ZNF862: variants seen among roughly 807,000 people sequenced by gnomAD.
The protein encoded by ZNF862 is zinc finger protein 862.
Under a neutral mutation model 91.1 loss-of-function variants are expected in ZNF862, and 64 were observed. That is an observed-to-expected ratio of 0.70 (90% CI 0.57 to 0.87). The LOEUF is 0.87. Among genes scored for constraint, ZNF862 ranks in the 40% least tolerant of loss-of-function variants. The probability of loss-of-function intolerance (pLI) is 0.00; values close to 1 mark genes in which losing one functional copy is unlikely to be tolerated. For missense variants in ZNF862, 1,459 were observed against 1,528.0 expected, an observed-to-expected ratio of 0.95 and a Z score of 0.75; for synonymous variants, 631 against 618.1, an observed-to-expected ratio of 1.02 and a Z score of -0.31.
At chr7:149,848,535 C>T in intron 4 of ZNF862, 103 bp downstream of exon 4, 1 of 934,274 alleles carries the variant, frequency 1.1e-6, no homozygotes. Context: ...TAGTGATAAC[C>T]CACTGCTAAC....
At chr7:149,858,971 C>T (rs1346764706) in intron 5 of ZNF862, 21 of 122,730 alleles carry the variant, frequency 1.7e-4, no homozygotes, top group South Asian at 1.7e-3. Context: ...GAGGGGCACA[C>T]GCGTGGGCCA....
In ZNF862 at chr7:149,850,336, T is replaced by C; in HGVS notation, c.1115T>C (p.Leu372Ser). The change falls in exon 5 of 8, where the codon TTG becomes TCG. Residue 372 changes from leucine (L) to serine (S), a missense_variant and splice_region_variant. By Grantham distance (145) the Leu-to-Ser change is moderately radical. Transcript: ENST00000223210. This position sits in a 1 kb window ranked among gnomAD's most constrained non-coding sequence, Gnocchi z 4.2. ...ATGAACTACGAGCTGTTGGCATCCT[T>C]GGGTAAAGACGCACCGAGCCTCTTA... ...MRMNYELLAS[L>S]GPAAAKPDLI... 6.2e-7 allele frequency: 1 copy of C among 1,610,480 alleles called. No individual in the cohort carries two copies. Among genetic ancestry groups the C allele is most frequent in the South Asian group, 1.1e-5 (1 of 90,860 alleles).
At position 149,861,150 on chromosome 7, in the gene ZNF862, A is replaced by G. The variant is rs1474917449; in HGVS notation, c.1990A>G (p.Ser664Gly). ...ESYITLAPLYSETADGYFETI... is the reference protein window; with the variant it reads ...ESYITLAPLYGETADGYFETI... Reference sequence around the variant, plus strand: ...CTACATCACTCTGGCCCCTCTCTACAGTGAGACAGCAGATGGGTACTTCGA... The same window carrying G: ...CTACATCACTCTGGCCCCTCTCTACGGTGAGACAGCAGATGGGTACTTCGA... Residue 664 changes from serine to glycine, a missense_variant, in exon 7 of 8, where the codon AGT becomes GGT. Physicochemically the swap from Ser to Gly is moderately conservative, Grantham distance 56. Coordinates refer to ENST00000223210, the MANE Select transcript of ZNF862 (RefSeq NM_001099220.3). The surrounding 1 kb of genome is among the most constrained non-coding windows in gnomAD (Gnocchi z 6.7). 1 of 1,613,058 alleles carries G rather than the reference A, an allele frequency of 6.2e-7. No homozygotes were observed. Among genetic ancestry groups the G allele is most frequent in the East Asian group, 2.2e-5 (1 of 44,854 alleles).
At position 149,860,543 on chromosome 7, in the gene ZNF862, G is replaced by A; in HGVS notation, c.1383G>A (p.Arg461=). The A allele has an allele frequency of 6.2e-7, 1 of 1,613,952 alleles. No homozygotes were observed. The highest frequency in any genetic ancestry group is 8.5e-7 in the Non-Finnish European group (1 of 1,179,878). ...CTAGGAGAATCAAGAGGACATACAG[G>A]CCCCGTTCCATTCAGAGGTCATGGT... The part of the protein sequence containing the change: ...DGPRRIKRTY[R]PRSIQRSWFG... The change falls in exon 7 of 8, where the codon AGG becomes AGA. Residue 461 remains arginine, a synonymous_variant. Coordinates refer to ENST00000223210, the MANE Select transcript of ZNF862 (RefSeq NM_001099220.3).
intron 5 of ZNF862, chr7:149,851,669 G>A (rs552495943): frequency 4.7e-4 from 71 of 152,370 alleles, no homozygotes; most frequent in African/African-American, 1.7e-3. Flanking sequence ...AGTGCAGGGA[G>A]GGCTGGCCAG....
rs761011228 is a variant in ZNF862, at chr7:149,847,825, A to G, written c.332A>G (p.Tyr111Cys). The G allele has an allele frequency of 4.7e-5, 76 of 1,613,624 alleles. No individual in the cohort carries two copies. The highest frequency in any genetic ancestry group is 2.7e-4 in the Admixed American group (16 of 59,968). ...GQSLPPQKKA[Y>C]LSHLSTGSGH... ...TCCCTCCCGCCTCAGAAGAAAGCCT[A>G]CCTTTCCCACCTCAGTACAGGCAGT... is the stretch of plus-strand genomic sequence containing the variant. The change falls in exon 4 of 8, where the codon TAC (tyrosine) becomes TGC (cysteine). Residue 111 changes from tyrosine (Y) to cysteine (C), a missense_variant. Transcript: ENST00000223210.
chr7:149,847,115 G>C (rs1801897707), intron 3 of ZNF862, among the ~76,000 whole-genome samples: 1 of 152,194 alleles, frequency 6.6e-6, no homozygotes, highest in Admixed American at 6.5e-5. Context: ...TTCTAGTTCA[G>C]CTTGAAGAAG....
Position 149,848,027 on chromosome 7 carries a change from A to G in ZNF862, c.534A>G (p.Ile178Met), listed in dbSNP as rs1407810856. ...TCAGGGACAAACGGTCAAGACTAAT[A>G]GAAGGTTATACAGGACCATTCAAGG... ...PSIRDKRSRL[I>M]EGYTGPFKVE... Residue 178 changes from isoleucine to methionine, a missense_variant, in exon 4 of 8, where the codon ATA becomes ATG. Transcript: ENST00000223210. 2 of 1,613,792 alleles carry G rather than the reference A, an allele frequency of 1.2e-6. No individual in the cohort carries two copies. The highest frequency in any genetic ancestry group is 1.7e-6 in the Non-Finnish European group (2 of 1,179,846).
In ZNF862 at chr7:149,853,949, A is replaced by AG. The variant is rs1216155986; in HGVS notation, c.1117+3611_1117+3612insG. ...CCAGACTCCATCTCAAAAAAAAAAA[A>AG]AAAAGAAAAATGACAGTCCCCTGTC... On this transcript the variant is annotated intron_variant, in intron 5 of 7. Transcript: ENST00000223210. Among the ~76,000 whole-genome samples the AG allele has an allele frequency of 6.4e-4, 98 of 151,984 alleles. 2 individuals are homozygous for AG. The South Asian group carries it at 0.02, about 30-fold the overall frequency.
rs1378757104 is a variant in ZNF862 at position 149,848,104 on chromosome 7, A to G, written c.611A>G (p.Asn204Ser). Residue 204 changes from asparagine (N) to serine (S), a missense_variant, in exon 4 of 8, where the codon AAT (asparagine) becomes AGT (serine). By Grantham distance (46) the Asn-to-Ser change is conservative. Coordinates refer to ENST00000223210, the MANE Select transcript of ZNF862 (RefSeq NM_001099220.3). Reference sequence around the variant, plus strand: ...AGCAAGGCCCACATGTTCTGTGTCAATGCCTTGGCAGCGAGGGACCCCATC... The same window carrying G: ...AGCAAGGCCCACATGTTCTGTGTCAGTGCCTTGGCAGCGAGGGACCCCATC... ...AKSKAHMFCV[N>S]ALAARDPIWA... 3 of 1,614,064 alleles carry G rather than the reference A, an allele frequency of 1.9e-6. No homozygotes were observed. The highest frequency in any genetic ancestry group is 1.6e-4 in the Middle Eastern group (1 of 6,062).
intron 7 of ZNF862, 47 bp from the exon 8 acceptor site, chr7:149,864,062 C>T (rs186567620): frequency 1.0e-4 from 158 of 1,521,346 alleles, no homozygotes; most frequent in African/African-American, 9.3e-4. Flanking sequence ...ATGTGGAAGG[C>T]GGTCACTGTC....
chr7:149,841,635 C>T (rs961045470), intron 1 of ZNF862: 95 of 985,282 alleles, frequency 9.6e-5, no homozygotes, highest in Non-Finnish European at 1.1e-4. Context: ...AACACTGCAG[C>T]CCGCCACCTC....
At chr7:149,844,873 G>T (rs1801818851) in intron 2 of ZNF862, 137 bp downstream of exon 2, 1 of 629,416 alleles carries the variant, frequency 1.6e-6, no homozygotes, top group Non-Finnish European at 2.8e-6. Flanking sequence ...CTGTCTGCTC[G>T]ATCCCGTATC....
In ZNF862 at chr7:149,850,533, G is replaced by T; in HGVS notation, c.1117+195G>T. On this transcript the variant is annotated intron_variant, in intron 5 of 7. Transcript: ENST00000223210. This position sits in a 1 kb window ranked among gnomAD's most constrained non-coding sequence, Gnocchi z 4.2. ...TTATCACCTTCTCATCCACCCACCT[G>T]TTCATCCATTCGTCCCCCACCAAAC... 1.7e-6 allele frequency: 1 copy of T among 574,810 alleles called. No individual in the cohort carries two copies. The highest frequency in any genetic ancestry group is 3.0e-6 in the Non-Finnish European group (1 of 330,070). The allele number at this position is 574,810 out of a possible 1,614,324, so 35.6% of individuals were successfully genotyped here.
chr7:149,838,962 C>T (rs1005785793), intron 1 of ZNF862, among the ~76,000 whole-genome samples: 1 of 152,204 alleles, frequency 6.6e-6, no homozygotes, highest in African/African-American at 2.4e-5. Flanking sequence ...TGAAGAGGCC[C>T]TGCTAAGGCT....
chr7:149,861,453 A>G lies in ZNF862; in HGVS notation c.2293A>G (p.Asn765Asp), dbSNP rs1485109844. 5.0e-6 allele frequency: 8 copies of G among 1,613,514 alleles called. No individual in the cohort carries two copies. In the South Asian group the frequency reaches 6.6e-5, roughly 13 times the overall value. The stretch of plus-strand genomic sequence containing the variant: ...TTATCAGTCCTCAAACAAGAGGCTG[A>G]ACGAGCTGCAGGAAGGTGCGGCGCC... ...KFYQSSNKRL[N>D]ELQEGAAPLE... is the part of the protein sequence containing the mutation. Residue 765 changes from asparagine (N) to aspartate (D), a missense_variant, in exon 7 of 8, where the codon AAC becomes GAC. Transcript: ENST00000223210. This position sits in a 1 kb window ranked among gnomAD's most constrained non-coding sequence, Gnocchi z 6.7.
At chr7:149,847,656 G>A (rs1318225862) in intron 3 of ZNF862, 79 bp from the exon 4 acceptor site, 4 of 909,712 alleles carry the variant, frequency 4.4e-6, no homozygotes, top group African/African-American at 3.4e-5. Flanking sequence ...CATATTTGGT[G>A]TACCTCAGAG....
chr7:149,842,129 G>A (rs1267142272), intron 1 of ZNF862, among the ~76,000 whole-genome samples: 1 of 152,174 alleles, frequency 6.6e-6, no homozygotes, highest in Non-Finnish European at 1.5e-5. Flanking sequence ...TCCTGAAAGA[G>A]AACGTGAATC....
chr7:149,840,814 C>A, intron 1 of ZNF862: 2 of 362,376 alleles, frequency 5.5e-6, no homozygotes, highest in Non-Finnish European at 7.7e-6. Flanking sequence ...GTAGGCTGTA[C>A]CATGTAGTTT....
Sources: gnomAD v4.1 joint callset for allele counts (sites outside exome capture counted in the v4.1 genomes callset) on GRCh38, gnomAD v4.1.1 for gene constraint, Gnocchi (gnomAD v3.1) non-coding constraint, MANE v1.5 for transcripts, NCBI Gene and HGNC (gene_info 2026-07-23, HGNC 2026-07-21) for gene names.